The following NOBOX variants were observed in gnomAD, a reference collection of about 807,000 sequenced individuals.
The protein encoded by NOBOX is NOBOX oogenesis homeobox.
In NOBOX, 46 loss-of-function variants were observed where a neutral mutation model predicts 60.2. The ratio of observed to expected loss-of-function variants is 0.76; its 90% CI spans 0.60 to 0.98. The LOEUF is 0.98. Among genes scored for constraint, NOBOX ranks in the 50% least tolerant of loss-of-function variants. NOBOX has a pLI of 0.00. For synonymous variants in NOBOX, 360 were observed against 346.3 expected (o/e 1.04, Z -0.44); for missense variants, 880 against 865.5 (o/e 1.02, Z -0.21).
chr7:144,403,362 C>G (rs1158461249), intron 2 of NOBOX, among the ~76,000 whole-genome samples: 2 of 152,064 alleles, frequency 1.3e-5, no homozygotes, highest in Non-Finnish European at 2.9e-5. Flanking sequence ...AAGAAGGGGA[C>G]GGGTGTCAGA....
In NOBOX at chr7:144,401,685, G is replaced by T. The variant is rs951158353; in HGVS notation, c.293-88C>A. ...AAGTGCTGCTTCCTGCTTTGCAAAC[G>T]GTTTGATCTTAAGCTTTAATTTGTC... On this transcript the variant is annotated intron_variant, in intron 3 of 9. Transcript: ENST00000467773. The surrounding 1 kb of genome is among the most constrained non-coding windows in gnomAD (Gnocchi z 4.2). The T allele has an allele frequency of 1.1e-5, 15 of 1,340,776 alleles. No individual in the cohort carries two copies. The African/African-American group carries it at 1.5e-4, about 13-fold the overall frequency. 83.1% of individuals were successfully genotyped at this position (1,340,776 alleles called of 1,614,324 possible). A position where few individuals can be genotyped will look rare whatever the true frequency, so the allele number is the denominator to read the frequency against.
At chr7:144,406,359 AC>A (rs1355569177) in intron 1 of NOBOX, among the ~76,000 whole-genome samples, 2 of 152,132 alleles carry the variant, frequency 1.3e-5, no homozygotes, top group Non-Finnish European at 2.9e-5. Context: ...GGAGTTTGAG[AC>A]CAGCCTGGCC....
chr7:144,401,365 G>T lies in NOBOX; in HGVS notation c.525C>A (p.Arg175=), dbSNP rs1306644241. 6.2e-7 allele frequency: 1 copy of T among 1,613,872 alleles called. No individual in the cohort carries two copies. Among genetic ancestry groups the T allele is most frequent in the Non-Finnish European group, 8.5e-7 (1 of 1,179,842 alleles). Residue 175 remains arginine, a synonymous_variant, in exon 4 of 10, where the codon CGC becomes CGA. Coordinates refer to ENST00000467773, the MANE Select transcript of NOBOX (RefSeq NM_001080413.3). This position sits in a 1 kb window ranked among gnomAD's most constrained non-coding sequence, Gnocchi z 4.2. ...CTTCCCCCTGAGTCTGGGGCCTGGA[G>T]CGGGCTAGAGTTCTGTCTTTGTGGG...
At chr7:144,400,493 C>G (rs1435025784) in intron 4 of NOBOX, among the ~76,000 whole-genome samples, 181 bp from the exon 3 acceptor site, 1 of 152,234 alleles carries the variant, frequency 6.6e-6, no homozygotes, top group East Asian at 1.9e-4. Context: ...CAGCAGAGAG[C>G]AGTATGTTTA....
intron 1 of NOBOX, among the ~76,000 whole-genome samples, chr7:144,409,969 T>C (rs577499096): frequency 1.6e-4 from 24 of 152,372 alleles, no homozygotes; most frequent in African/African-American, 5.8e-4. Flanking sequence ...ATCTTGGGTC[T>C]GTACCAGTTC....
chr7:144,401,816 G>T lies in NOBOX; in HGVS notation c.292+53C>A. 7.8e-7 allele frequency: 1 copy of T among 1,290,202 alleles called. No individual in the cohort carries two copies. Among genetic ancestry groups the T allele is most frequent in the Non-Finnish European group, 1.1e-6 (1 of 899,646 alleles). The allele number at this position is 1,290,202 out of a possible 1,614,324, so 79.9% of individuals were successfully genotyped here. ...CTTTGAAAAATGTAGACAAATTTAT[G>T]CAATTCTGAGACGGCGTTAGCTCAT... On this transcript the variant is annotated intron_variant, in intron 3 of 9. Transcript: ENST00000467773. The surrounding 1 kb of genome is among the most constrained non-coding windows in gnomAD (Gnocchi z 4.2).
intron 1 of NOBOX, among the ~76,000 whole-genome samples, chr7:144,407,784 G>A (rs1024018298): frequency 4.6e-5 from 7 of 152,236 alleles, no homozygotes; most frequent in African/African-American, 1.7e-4. Flanking sequence ...ACAAGTTCTG[G>A]CGTGAATTAG....
At chr7:144,407,465 G>C (rs144754545) in intron 1 of NOBOX, among the ~76,000 whole-genome samples, 1 of 152,284 alleles carries the variant, frequency 6.6e-6, no homozygotes, top group East Asian at 1.9e-4. Context: ...GGAGGTCAGG[G>C]CCCCCGGAAA....
At chr7:144,402,483 A>T (rs2053948868) in intron 2 of NOBOX, among the ~76,000 whole-genome samples, 1 of 152,118 alleles carries the variant, frequency 6.6e-6, no homozygotes, top group South Asian at 2.1e-4. Flanking sequence ...TGAGGATGAG[A>T]CAGCAGAGTA....
intron 4 of NOBOX, among the ~76,000 whole-genome samples, chr7:144,400,598 C>T (rs187125835): frequency 3.0e-3 from 463 of 152,300 alleles, no homozygotes; most frequent in Non-Finnish European, 5.0e-3. Context: ...AGTGCAGTGG[C>T]GCAATCTCAG....
chr7:144,406,299 T>C (rs917973788), intron 1 of NOBOX, among the ~76,000 whole-genome samples: 1 of 152,190 alleles, frequency 6.6e-6, no homozygotes, highest in African/African-American at 2.4e-5. Context: ...GGCTCATGCC[T>C]GTAATCCCAG....
Position 144,400,235 on chromosome 7 carries a change from T to C in NOBOX, c.922A>G (p.Thr308Ala), listed in dbSNP as rs2053927711. ...ATGCGCTGGGGGGTCACCCCCACCG[T>C]CTGGGCAATCTCTCGGCGTTTATCA... Residue 308 changes from threonine (T) to alanine (A), a missense_variant, in exon 5 of 10, where the codon ACG becomes GCG. Physicochemically the swap from Thr to Ala is moderately conservative, Grantham distance 58. Coordinates refer to ENST00000467773, the MANE Select transcript of NOBOX (RefSeq NM_001080413.3). 6.8e-6 allele frequency: 11 copies of C among 1,613,944 alleles called. No individual in the cohort carries two copies. The highest frequency in any genetic ancestry group is 1.3e-5 in the African/African-American group (1 of 74,950).
Position 144,403,806 on chromosome 7 carries a change from C to G in NOBOX, c.210+750G>C, listed in dbSNP as rs1202731401. 8 of 438,832 alleles carry G rather than the reference C, an allele frequency of 1.8e-5. 1 individual carries two copies. The Middle Eastern group carries it at 2.5e-3, about 136-fold the overall frequency. The allele number at this position is 438,832 out of a possible 1,614,324, so 27.2% of individuals were successfully genotyped here. On this transcript the variant is annotated intron_variant, in intron 2 of 9. Transcript: ENST00000467773. ...ACGGGCCGGGCCGGGCCGGGGGAGC[C>G]GTAGCCCGAGGCTGCGCCCCCTCAC...
intron 2 of NOBOX, among the ~76,000 whole-genome samples, chr7:144,404,303 C>T (rs768505969): frequency 2.6e-5 from 4 of 152,212 alleles, no homozygotes; most frequent in Non-Finnish European, 5.9e-5. Flanking sequence ...GGCTGGAGTG[C>T]AGTGGGGGAT....
At chr7:144,397,633 A>AACAC in intron 9 of NOBOX, 92 bp from the exon 8 acceptor site, 1 of 1,141,056 alleles carries the variant, frequency 8.8e-7, no homozygotes, top group Non-Finnish European at 1.2e-6. Context: ...CCCGTGCCCC[A>AACAC]ACACACATAG....
chr7:144,407,003 A>G (rs1252420678), intron 1 of NOBOX, among the ~76,000 whole-genome samples: 1 of 146,858 alleles, frequency 6.8e-6, no homozygotes, highest in African/African-American at 2.5e-5. Context: ...TTTAATTTTT[A>G]ATTTTTTTTT....
chr7:144,401,653 C>G lies in NOBOX; in HGVS notation c.293-56G>C. On this transcript the variant is annotated intron_variant, in intron 3 of 9. Transcript: ENST00000467773. This position sits in a 1 kb window ranked among gnomAD's most constrained non-coding sequence, Gnocchi z 4.2. ...CACCAGGGAGAAGGAAGAACTGGAC[C>G]AAGAGGAAGTGCTGCTTCCTGCTTT... is the stretch of plus-strand genomic sequence containing the variant. 6.8e-7 allele frequency: 1 copy of G among 1,467,496 alleles called. No individual in the cohort carries two copies. Among genetic ancestry groups the G allele is most frequent in the Non-Finnish European group, 9.0e-7 (1 of 1,106,724 alleles). 90.9% of individuals were successfully genotyped at this position (1,467,496 alleles called of 1,614,324 possible).
intron 1 of NOBOX, among the ~76,000 whole-genome samples, chr7:144,409,311 C>T (rs1402705336): frequency 6.6e-6 from 1 of 152,150 alleles, no homozygotes; most frequent in African/African-American, 2.4e-5. Flanking sequence ...AATAACATGT[C>T]TCATAATAGG....
chr7:144,401,759 T>C lies in NOBOX; in HGVS notation c.292+110A>G, dbSNP rs2053941241. On this transcript the variant is annotated intron_variant, in intron 3 of 9. Coordinates refer to ENST00000467773, the MANE Select transcript of NOBOX (RefSeq NM_001080413.3). This position sits in a 1 kb window ranked among gnomAD's most constrained non-coding sequence, Gnocchi z 4.2. ...TCCACACTTACCTTCCTAGCTTGAC[T>C]ATTGTGAGGATTAAATCAGATAACC... 1 of 1,039,362 alleles carries C rather than the reference T, an allele frequency of 9.6e-7. No homozygotes were observed. Among genetic ancestry groups the C allele is most frequent in the Non-Finnish European group, 1.4e-6 (1 of 704,532 alleles). The allele number at this position is 1,039,362 out of a possible 1,614,324, so 64.4% of individuals were successfully genotyped here.
Sources: allele counts gnomAD v4.1 joint callset (sites outside exome capture counted in the v4.1 genomes callset), GRCh38; gene constraint gnomAD v4.1.1; non-coding constraint Gnocchi (gnomAD v3.1); transcripts MANE v1.5; gene names NCBI Gene and HGNC (gene_info 2026-07-23, HGNC 2026-07-21).